Variants in FNDC3A observed in about 807,000 individuals in gnomAD.
FNDC3A encodes the protein fibronectin type III domain containing 3A.
In FNDC3A, 32 loss-of-function variants were observed where a neutral mutation model predicts 148.9. The observed-to-expected ratio is 0.21, with a 90% CI of 0.16 to 0.29. The LOEUF (loss-of-function observed/expected upper bound fraction) is 0.29. FNDC3A is among the 10% of genes least tolerant of loss of function. FNDC3A has a pLI of 1.00. For synonymous variants in FNDC3A, 472 were observed against 473.6 expected (o/e 1.00, Z 0.04); for missense variants, 1,191 against 1,452.8 (o/e 0.82, Z 2.93).
At chr13:49,030,657 A>G (rs971132982) in intron 2 of FNDC3A, among the ~76,000 whole-genome samples, 2 of 152,248 alleles carry the variant, frequency 1.3e-5, no homozygotes, top group Admixed American at 6.5e-5. Flanking sequence ...AAACAAGTTC[A>G]GCAAGGTTGT....
intron 2 of FNDC3A, among the ~76,000 whole-genome samples, chr13:49,031,236 A>C (rs1354811810): frequency 6.6e-6 from 1 of 151,986 alleles, no homozygotes; most frequent in Non-Finnish European, 1.5e-5. Flanking sequence ...AAAATACAAA[A>C]ATTAGCATGG....
chr13:49,146,810 G>T (rs567971626), intron 8 of FNDC3A: 1 of 152,288 alleles, frequency 6.6e-6, no homozygotes, highest in Non-Finnish European at 1.5e-5. Context: ...TGACATTTAT[G>T]ATTGACAGTT....
rs555195109 is a variant in FNDC3A at position 49,162,013 on chromosome 13, G to A, written c.978-5231G>A. ...ATGGGCTTCCCTTTGTGGGTAACCC[G>A]ACCTTTCTCTCTGGCTGCCCTTAGC... On this transcript the variant is annotated intron_variant, in intron 8 of 25. Coordinates refer to ENST00000492622, the MANE Select transcript of FNDC3A (RefSeq NM_001079673.2). 2.0e-4 allele frequency among the ~76,000 whole-genome samples: 31 copies of A among 152,208 alleles called. No homozygotes were observed. In the South Asian group the frequency reaches 3.7e-3, roughly 18 times the overall value.
intron 3 of FNDC3A, among the ~76,000 whole-genome samples, chr13:49,113,211 C>T (rs1880692480): frequency 6.6e-6 from 1 of 151,116 alleles, no homozygotes; most frequent in African/African-American, 2.4e-5. Context: ...TACCTCTCGC[C>T]TCTCTCCTTC....
chr13:49,085,963 A>G (rs1481806008), intron 3 of FNDC3A, among the ~76,000 whole-genome samples: 1 of 151,086 alleles, frequency 6.6e-6, no homozygotes, highest in Non-Finnish European at 1.5e-5. Context: ...GCTCACTGCA[A>G]CCTCTGCCTC....
intron 3 of FNDC3A, among the ~76,000 whole-genome samples, chr13:49,103,627 G>A (rs1566251271): frequency 6.6e-6 from 1 of 152,220 alleles, no homozygotes; most frequent in Non-Finnish European, 1.5e-5. Flanking sequence ...AAAGAGCCTA[G>A]TGCTGCTAAG....
At chr13:49,174,614 C>T in intron 12 of FNDC3A, 55 bp downstream of exon 12, 1 of 1,448,604 alleles carries the variant, frequency 6.9e-7, no homozygotes, top group Non-Finnish European at 9.5e-7. Context: ...AAGTCAACGT[C>T]AATTGTATAA....
At chr13:49,006,895 G>A (rs945302790) in intron 2 of FNDC3A, among the ~76,000 whole-genome samples, 1 of 152,042 alleles carries the variant, frequency 6.6e-6, no homozygotes, top group African/African-American at 2.4e-5. Context: ...TATTTTAACA[G>A]TAGGTGAGGA....
intron 4 of FNDC3A, among the ~76,000 whole-genome samples, chr13:49,124,496 A>C (rs537641558): frequency 3.3e-5 from 5 of 152,070 alleles, no homozygotes; most frequent in Non-Finnish European, 7.4e-5. Flanking sequence ...AAAAAAAAAA[A>C]AGTAGAGAAA....
At chr13:49,173,455 A>G (rs1884867525) in intron 11 of FNDC3A, among the ~76,000 whole-genome samples, 1 of 152,218 alleles carries the variant, frequency 6.6e-6, no homozygotes, top group Non-Finnish European at 1.5e-5. Context: ...TAGAAAGGTA[A>G]TTTCTTACTT....
chr13:49,146,077 G>C (rs1385810673), intron 8 of FNDC3A, 142 bp downstream of exon 8: 1 of 602,052 alleles, frequency 1.7e-6, no homozygotes, highest in African/African-American at 1.9e-5. Context: ...TGATTTCAAT[G>C]TAAATGGTCC....
At chr13:48,983,812 T>C (rs1951738875) in intron 1 of FNDC3A, among the ~76,000 whole-genome samples, 1 of 152,192 alleles carries the variant, frequency 6.6e-6, no homozygotes, top group Non-Finnish European at 1.5e-5. Context: ...ATAGAAGCAC[T>C]TTCATTAATA....
chr13:49,110,259 C>T lies in FNDC3A; in HGVS notation c.176-4396C>T, dbSNP rs1300139648. On this transcript the variant is annotated intron_variant, in intron 3 of 25. Transcript: ENST00000492622. ...TCACTGCAGGTCACGTGATGACTGT[C>T]ACGTGACTCGGTCAAAGGATCTTTT... 3 of 1,256,918 alleles carry T rather than the reference C, an allele frequency of 2.4e-6. No individual in the cohort carries two copies. The East Asian group carries it at 7.8e-5, about 33-fold the overall frequency. The allele number at this position is 1,256,918 out of a possible 1,614,324, so 77.9% of individuals were successfully genotyped here.
chr13:49,159,469 G>T (rs1224232419), intron 8 of FNDC3A, among the ~76,000 whole-genome samples: 1 of 152,190 alleles, frequency 6.6e-6, no homozygotes, highest in African/African-American at 2.4e-5. Flanking sequence ...CATTGATGTT[G>T]TATCCTGAGA....
Position 49,006,240 on chromosome 13 carries a change from A to G in FNDC3A, c.50A>G (p.Asp17Gly). 3 of 1,610,170 alleles carry G rather than the reference A, an allele frequency of 1.9e-6. No individual in the cohort carries two copies. Among genetic ancestry groups the G allele is most frequent in the Non-Finnish European group, 2.5e-6 (3 of 1,177,088 alleles). Residue 17 changes from aspartate (D) to glycine (G), a missense_variant, in exon 2 of 26, where the codon GAT becomes GGT. This residue lies in a region of FNDC3A where 426 missense variants were observed against 473.2 expected (regional missense o/e 0.90). Coordinates refer to ENST00000492622, the MANE Select transcript of FNDC3A (RefSeq NM_001079673.2). ...LLDTTQILSS[D>G]ISLLSAPIVS... The stretch of plus-strand genomic sequence containing the variant: ...GATACAACTCAGATCTTAAGTAGTG[A>G]TATTTCTCTTTTGTCTGCCCCTATT...
At chr13:49,184,739 T>TA (rs994632562) in intron 14 of FNDC3A, among the ~76,000 whole-genome samples, 1 of 152,140 alleles carries the variant, frequency 6.6e-6, no homozygotes, top group Non-Finnish European at 1.5e-5. Context: ...TGAAGGAACT[T>TA]ACAGGTAGGT....
At chr13:49,131,410 T>C (rs1292897599) in intron 5 of FNDC3A, 36 bp downstream of exon 5, 2 of 1,412,910 alleles carry the variant, frequency 1.4e-6, no homozygotes, top group Admixed American at 3.3e-5. Flanking sequence ...GTTATTGAGT[T>C]GGATATTCTT....
chr13:48,993,690 A>T (rs955418851), intron 1 of FNDC3A, among the ~76,000 whole-genome samples: 7 of 152,298 alleles, frequency 4.6e-5, no homozygotes, highest in Admixed American at 2.0e-4. Context: ...AGTGCATTTA[A>T]AAAAGATCGC....
intron 1 of FNDC3A, among the ~76,000 whole-genome samples, chr13:48,983,543 A>T (rs573790218): frequency 3.9e-5 from 6 of 152,316 alleles, no homozygotes; most frequent in African/African-American, 1.4e-4. Flanking sequence ...TTCCTATTAA[A>T]CTTCATTTAC....
Sources: allele counts gnomAD v4.1 joint callset (sites outside exome capture counted in the v4.1 genomes callset), GRCh38; gene constraint gnomAD v4.1.1; regional missense constraint gnomAD v4.1.1; transcripts MANE v1.5; gene names NCBI Gene and HGNC (gene_info 2026-07-23, HGNC 2026-07-21).